BTD: variants seen among roughly 807,000 people sequenced by gnomAD.
The protein encoded by BTD is biocytinase.
BTD carries 13 observed loss-of-function variants against 17.7 expected under a neutral mutation model. That is an observed-to-expected ratio of 0.74 (90% CI 0.48 to 1.17). BTD has a LOEUF of 1.17. BTD is among the 50% of genes most tolerant of loss of function. BTD has a pLI of 0.00. For synonymous variants in BTD, 240 were observed against 245.2 expected, an observed-to-expected ratio of 0.98 and a Z score of 0.20; for missense variants, 674 against 650.4, an observed-to-expected ratio of 1.04 and a Z score of -0.39.
intron 3 of BTD, chr3:15,679,634 G>C (rs2067312145): frequency 8.5e-7 from 1 of 1,178,006 alleles, no homozygotes. Context: ...GTACATGTAA[G>C]TGTTTAAAGG....
At position 15,707,868 on chromosome 3, in the gene BTD, G is replaced by C. The variant is rs2071669049; in HGVS notation, c.400-2192G>C. On this transcript the variant is annotated intron_variant, in intron 3 of 3. Coordinates refer to the BTD transcript ENST00000672141. ...AATTTGCAACAAAAACATCCATATGGAAGATGCCAGTTTATAGAAATATTG... is the reference window on the plus strand; with the variant it reads ...AATTTGCAACAAAAACATCCATATGCAAGATGCCAGTTTATAGAAATATTG... The C allele has an allele frequency of 1.9e-6, 3 of 1,567,284 alleles. No homozygotes were observed. The East Asian group carries it at 6.8e-5, about 36-fold the overall frequency.
exon 4 of BTD, among the ~76,000 whole-genome samples, chr3:15,710,828 T>C (rs1163759149): frequency 6.6e-6 from 1 of 152,126 alleles, no homozygotes; most frequent in African/African-American, 2.4e-5. Flanking sequence ...GAACATTTTT[T>C]TCCTGGGGGA....
intron 3 of BTD, among the ~76,000 whole-genome samples, chr3:15,692,266 C>G (rs1575176353): frequency 6.6e-6 from 1 of 151,080 alleles, no homozygotes; most frequent in East Asian, 1.9e-4. Context: ...GCCTGGGCAA[C>G]AGTGAGACCT....
At chr3:15,686,036 T>A in intron 3 of BTD, 1 of 1,613,746 alleles carries the variant, frequency 6.2e-7, no homozygotes, top group South Asian at 1.1e-5. Flanking sequence ...CCACTTATCT[T>A]TGGCATCTAC....
Position 15,644,752 on chromosome 3 carries a change from C to T in BTD, c.836C>T (p.Ala279Val), listed in dbSNP as rs397514392. Reference protein sequence around the residue: ...AVAFGINVLAANVHHPVLGMT... With the variant: ...AVAFGINVLAVNVHHPVLGMT... ...GCCTTTGGCATCAACGTTCTGGCAG[C>T]TAATGTCCACCACCCAGTTCTGGGG... Residue 279 changes from alanine (A) to valine (V), a missense_variant, in exon 4 of 4, where the codon GCT becomes GTT. By Grantham distance (64) the Ala-to-Val change is moderately conservative. Coordinates refer to ENST00000643237, the MANE Select transcript of BTD (RefSeq NM_001370658.1). 2 of 1,614,184 alleles carry T rather than the reference C, an allele frequency of 1.2e-6. No individual in the cohort carries two copies. Among genetic ancestry groups the T allele is most frequent in the Non-Finnish European group, 1.7e-6 (2 of 1,180,032 alleles).
At chr3:15,716,179 A>G (rs2073005439), downstream of BTD, among the ~76,000 whole-genome samples, 1 of 150,276 alleles carries the variant, frequency 6.7e-6, no homozygotes, top group African/African-American at 2.5e-5. Flanking sequence ...ATGGGGTTTC[A>G]CCATGTTGGC....
intron 1 of BTD, chr3:15,602,097 G>C: frequency 7.0e-7 from 1 of 1,435,974 alleles, no homozygotes; most frequent in Non-Finnish European, 9.1e-7. Context: ...TTACTTACAC[G>C]CTTTGTGGTT....
intron 2 of BTD, among the ~76,000 whole-genome samples, chr3:15,641,598 G>T (rs761302405): frequency 2.6e-5 from 4 of 152,118 alleles, no homozygotes; most frequent in Non-Finnish European, 5.9e-5. Context: ...CTAGCTATTC[G>T]CTTGTCAAAC....
intron 3 of BTD, chr3:15,696,347 G>A: frequency 1.5e-6 from 1 of 686,566 alleles, no homozygotes; most frequent in Non-Finnish European, 2.4e-6. Flanking sequence ...TCTTATACTT[G>A]AGTAATATAA....
At chr3:15,699,846 A>T (rs921093890) in intron 3 of BTD, among the ~76,000 whole-genome samples, 56 of 152,332 alleles carry the variant, frequency 3.7e-4, no homozygotes, top group Non-Finnish European at 7.5e-4. Flanking sequence ...AAGGATCTAG[A>T]ACTAGAAATA....
Position 15,645,836 on chromosome 3 carries a change from G to T in BTD, c.*348G>T, listed in dbSNP as rs187175217. ...CACATCCACAAAGCAGTGGCTTGGG[G>T]TTTTTTTTTTTTTTTTTATCTTGTT... On this transcript the variant is annotated 3_prime_UTR_variant, in exon 4 of 4. Coordinates refer to ENST00000643237, the MANE Select transcript of BTD (RefSeq NM_001370658.1). 336 of 151,362 alleles carry T rather than the reference G, an allele frequency of 2.2e-3. 1 individual carries two copies. Among genetic ancestry groups the T allele is most frequent in the African/African-American group, 7.8e-3 (275 of 35,242 alleles). The allele number at this position is 151,362 out of a possible 1,614,324, so 9.4% of individuals were successfully genotyped here.
intron 1 of BTD, among the ~76,000 whole-genome samples, chr3:15,634,675 G>A (rs2125449839): frequency 6.6e-6 from 1 of 152,266 alleles, no homozygotes; most frequent in Admixed American, 6.5e-5. Context: ...AAATGAGTAG[G>A]CTTTTGAGCA....
chr3:15,623,527 T>G (rs2065000407), intron 1 of BTD, among the ~76,000 whole-genome samples: 1 of 152,228 alleles, frequency 6.6e-6, no homozygotes, highest in South Asian at 2.1e-4. Context: ...AATTGAACAT[T>G]TTATGTGATT....
At chr3:15,625,087 T>C (rs1258118034) in intron 1 of BTD, among the ~76,000 whole-genome samples, 1 of 152,242 alleles carries the variant, frequency 6.6e-6, no homozygotes. Flanking sequence ...GTATACCTTG[T>C]AATTTTTTGT....
chr3:15,679,572 G>T, intron 3 of BTD: 1 of 1,602,288 alleles, frequency 6.2e-7, no homozygotes, highest in Non-Finnish European at 8.5e-7. Flanking sequence ...ACCTAAATAG[G>T]TGTAAAGAAC....
chr3:15,711,300 A>G (rs1453546218), exon 4 of BTD: 1 of 1,551,538 alleles, frequency 6.4e-7, no homozygotes. Context: ...CATCTTATTT[A>G]TAACAGACAT....
chr3:15,662,464 G>A (rs751376816), intron 3 of BTD, among the ~76,000 whole-genome samples: 1 of 152,114 alleles, frequency 6.6e-6, no homozygotes, highest in Non-Finnish European at 1.5e-5. Flanking sequence ...CTTGTATCTT[G>A]CAATACTGGT....
intron 1 of BTD, among the ~76,000 whole-genome samples, chr3:15,634,390 C>T (rs2065290849): frequency 6.6e-6 from 1 of 152,202 alleles, no homozygotes; most frequent in South Asian, 2.1e-4. Context: ...CTGGCCTTGG[C>T]ACACTACCCA....
At chr3:15,712,256 T>A (rs774276818) in exon 4 of BTD, 1 of 1,489,046 alleles carries the variant, frequency 6.7e-7, no homozygotes, top group South Asian at 1.2e-5. Context: ...TATCTTCATT[T>A]TAACACAAGA....
Sources: allele counts gnomAD v4.1 joint callset (sites outside exome capture counted in the v4.1 genomes callset), GRCh38; gene constraint gnomAD v4.1.1; transcripts MANE v1.5; gene names NCBI Gene and HGNC (gene_info 2026-07-23, HGNC 2026-07-21).